SEMA6D: variants seen among roughly 807,000 people sequenced by gnomAD.
The protein encoded by SEMA6D is semaphorin 6D.
SEMA6D carries 35 observed loss-of-function variants against 106.6 expected under a neutral mutation model. The ratio of observed to expected loss-of-function variants is 0.33; its 90% confidence interval spans 0.25 to 0.44. The LOEUF (loss-of-function observed/expected upper bound fraction) is 0.44. Ranked by LOEUF, SEMA6D falls within the 20% of genes least tolerant of loss-of-function variation. The probability of loss-of-function intolerance (pLI) is 1.00; values close to 1 mark genes in which losing one functional copy is unlikely to be tolerated. For missense variants in SEMA6D, 1,185 were observed against 1,345.9 expected, an observed-to-expected ratio of 0.88 and a Z score of 1.87; for synonymous variants, 499 against 487.7, an observed-to-expected ratio of 1.02 and a Z score of -0.31.
At chr15:47,368,998 C>T (rs1331165165) in intron 1 of SEMA6D, among the ~76,000 whole-genome samples, 1 of 152,170 alleles carries the variant, frequency 6.6e-6, no homozygotes, top group Non-Finnish European at 1.5e-5. Context: ...GAAGGAAACA[C>T]ATTGTGGGCC....
chr15:47,640,455 T>TG (rs1363567675), intron 4 of SEMA6D, among the ~76,000 whole-genome samples: 1 of 152,188 alleles, frequency 6.6e-6, no homozygotes, highest in Non-Finnish European at 1.5e-5. Context: ...AGTGAACTTG[T>TG]GAAATTATCT....
chr15:47,766,279 T>C, intron 15 of SEMA6D, 97 bp downstream of exon 15: 2 of 1,062,442 alleles, frequency 1.9e-6, no homozygotes, highest in Non-Finnish European at 2.7e-6. Flanking sequence ...CTACTTTTCT[T>C]TTTTTTTGTT....
chr15:47,746,474 C>T (rs2081136671), intron 1 of SEMA6D, among the ~76,000 whole-genome samples: 1 of 152,204 alleles, frequency 6.6e-6, no homozygotes, highest in South Asian at 2.1e-4. Flanking sequence ...CTCAGTCCTT[C>T]TTTGCCAGGG....
chr15:47,637,094 A>T (rs1378006576), intron 4 of SEMA6D, among the ~76,000 whole-genome samples: 2 of 152,196 alleles, frequency 1.3e-5, no homozygotes, highest in Admixed American at 1.3e-4. Flanking sequence ...GGCTCTGAGC[A>T]ACTCAGCTCT....
rs1168068495 is a variant in SEMA6D at position 47,384,814 on chromosome 15, G to GTTTT, written c.-238-27551_-238-27548dup. Among the ~76,000 whole-genome samples the GTTTT allele has an allele frequency of 4.3e-3, 285 of 65,664 alleles. 21 individuals are homozygous for GTTTT. Among genetic ancestry groups the GTTTT allele is most frequent in the East Asian group, 0.01 (15 of 1,434 alleles). The allele number at this position is 65,664 out of a possible 152,430, so 43.1% of individuals were successfully genotyped here. Reference sequence around the variant, plus strand: ...TCAGAATTAACATTTGATTACTAAAGTTTTTTTTTTTTTTTTTTTTTTTTT... The same window carrying GTTTT: ...TCAGAATTAACATTTGATTACTAAAGTTTTTTTTTTTTTTTTTTTTTTTTTTTTT... On this transcript the variant is annotated intron_variant, in intron 1 of 19. Coordinates refer to the SEMA6D transcript ENST00000558014.
chr15:47,382,972 G>A (rs2039695406), intron 1 of SEMA6D, among the ~76,000 whole-genome samples: 1 of 152,164 alleles, frequency 6.6e-6, no homozygotes, highest in South Asian at 2.1e-4. Context: ...CACCATGTTG[G>A]CCAGGCTGGT....
rs185359984 is a variant in SEMA6D, at chr15:47,499,279, G to A, written c.-87+28734G>A. Among the ~76,000 whole-genome samples the A allele has an allele frequency of 4.7e-4, 72 of 152,180 alleles. 1 individual carries two copies. The East Asian group carries it at 0.012, about 26-fold the overall frequency. On this transcript the variant is annotated intron_variant, in intron 3 of 19. Transcript: ENST00000558014. ...GTCCTCTAATCCGTCCTCAGAAATA[G>A]TCTTTCTATCCTGGCTTCTACGCCC...
rs1020690577 is a variant in SEMA6D at position 47,760,168 on chromosome 15, C to T, written c.110-136C>T. ...TTGCTGACATTCACTGCCTTTTATT[C>T]ATTTATATTCAAGACCTTAAGAGAG... On this transcript the variant is annotated intron_variant, in intron 2 of 18. Coordinates refer to ENST00000536845, the MANE Select transcript of SEMA6D (RefSeq NM_001358351.3). 4 of 661,308 alleles carry T rather than the reference C, an allele frequency of 6.0e-6. No homozygotes were observed. In the African/African-American group the frequency reaches 7.3e-5, roughly 12 times the overall value. 41.0% of individuals were successfully genotyped at this position (661,308 alleles called of 1,614,324 possible). A position where few individuals can be genotyped will look rare whatever the true frequency, so the allele number is the denominator to read the frequency against.
chr15:47,662,631 A>C (rs552594043), intron 4 of SEMA6D, among the ~76,000 whole-genome samples: 1 of 152,274 alleles, frequency 6.6e-6, no homozygotes, highest in South Asian at 2.1e-4. Context: ...ACATATTTAC[A>C]TCATTTGTTG....
chr15:47,358,710 G>T (rs1472554502), intron 1 of SEMA6D, among the ~76,000 whole-genome samples: 3 of 152,362 alleles, frequency 2.0e-5, no homozygotes, highest in Middle Eastern at 3.4e-3. Flanking sequence ...CAGCACCAGT[G>T]TGCATGGAGA....
chr15:47,614,529 C>T (rs2143983772), intron 4 of SEMA6D, among the ~76,000 whole-genome samples: 2 of 152,332 alleles, frequency 1.3e-5, no homozygotes, highest in Middle Eastern at 3.4e-3. Context: ...ATTTGGATCC[C>T]AGCTGGAGAC....
rs144331380 is a variant in SEMA6D, at chr15:47,318,977, G to A, written c.-238-93416G>A. Among the ~76,000 whole-genome samples the A allele has an allele frequency of 1.1e-4, 16 of 152,144 alleles. No individual in the cohort carries two copies. In the East Asian group the frequency reaches 2.3e-3, roughly 22 times the overall value. ...TTGCCATTCTAACTGGTGTGAGATG[G>A]TATCTCATTGTGTCCCACAGTTCTT... is the stretch of plus-strand genomic sequence containing the variant. On this transcript the variant is annotated intron_variant, in intron 1 of 19. Coordinates refer to the SEMA6D transcript ENST00000558014.
intron 2 of SEMA6D, among the ~76,000 whole-genome samples, chr15:47,465,761 A>G (rs1408076186): frequency 1.3e-5 from 2 of 152,090 alleles, no homozygotes; most frequent in Admixed American, 6.6e-5. Flanking sequence ...CTCCCCAGCC[A>G]TGCTTCCTGT....
intron 4 of SEMA6D, among the ~76,000 whole-genome samples, chr15:47,646,842 C>T (rs2077590837): frequency 6.6e-6 from 1 of 152,168 alleles, no homozygotes; most frequent in Non-Finnish European, 1.5e-5. Flanking sequence ...ACCATCTTCT[C>T]TGAGAGAAAA....
intron 1 of SEMA6D, among the ~76,000 whole-genome samples, chr15:47,308,171 A>C (rs1429736184): frequency 6.6e-6 from 1 of 152,186 alleles, no homozygotes; most frequent in Non-Finnish European, 1.5e-5. Flanking sequence ...TAGTGGCCCA[A>C]CTGTAGCCTT....
intron 1 of SEMA6D, chr15:47,718,352 G>A (rs1437407802): frequency 6.6e-6 from 1 of 152,452 alleles, no homozygotes; most frequent in East Asian, 1.9e-4. Flanking sequence ...CCGCAGTTGA[G>A]GCCGGAGCAG....
intron 3 of SEMA6D, among the ~76,000 whole-genome samples, chr15:47,507,930 T>G (rs2044102455): frequency 6.6e-6 from 1 of 152,218 alleles, no homozygotes; most frequent in Admixed American, 6.5e-5. Context: ...AGTGACATGC[T>G]TTCTCTTTGA....
chr15:47,544,731 T>C (rs949029182), intron 3 of SEMA6D, among the ~76,000 whole-genome samples: 4 of 149,018 alleles, frequency 2.7e-5, no homozygotes, highest in Non-Finnish European at 5.9e-5. Flanking sequence ...CATGTGTGGC[T>C]CTGGGAACAT....
chr15:47,488,791 G>A (rs2043375611), intron 3 of SEMA6D, among the ~76,000 whole-genome samples: 1 of 152,098 alleles, frequency 6.6e-6, no homozygotes, highest in African/African-American at 2.4e-5. Context: ...GTGTAGTAAA[G>A]GAAGAGAGGG....
Sources: gnomAD v4.1 joint callset for allele counts (sites outside exome capture counted in the v4.1 genomes callset) on GRCh38, gnomAD v4.1.1 for gene constraint, MANE v1.5 for transcripts, NCBI Gene and HGNC (gene_info 2026-07-23, HGNC 2026-07-21) for gene names.